The following RNF13 variants were observed in gnomAD, a reference collection of about 807,000 sequenced individuals.
RNF13 encodes ring finger protein 13, also known as E3 ubiquitin-protein ligase RNF13.
A neutral mutation model predicts 37.7 loss-of-function variants in RNF13; 19 were observed. The ratio of observed to expected loss-of-function variants is 0.50; its 90% CI spans 0.35 to 0.74. The LOEUF (loss-of-function observed/expected upper bound fraction) is 0.74, where lower values mean the gene tolerates loss of function less well. Among genes scored for constraint, RNF13 ranks in the 30% least tolerant of loss-of-function variants. The pLI is 0.01. For synonymous variants in RNF13, 144 were observed against 157.8 expected (o/e 0.91, Z 0.65); for missense variants, 375 against 453.0 (o/e 0.83, Z 1.56).
intron 4 of RNF13, among the ~76,000 whole-genome samples, chr3:149,892,044 G>A (rs1299209289): frequency 1.3e-5 from 2 of 151,924 alleles, no homozygotes; most frequent in Admixed American, 6.6e-5. Flanking sequence ...TTTAAAAATC[G>A]ATAAAAACAA....
At chr3:149,887,055 C>A (rs997913716) in intron 4 of RNF13, among the ~76,000 whole-genome samples, 1 of 152,022 alleles carries the variant, frequency 6.6e-6, no homozygotes, top group African/African-American at 2.4e-5. Context: ...TAAAGTTATC[C>A]AGGGACGTTG....
At chr3:149,914,131 T>C (rs1289607797) in intron 7 of RNF13, among the ~76,000 whole-genome samples, 1 of 152,194 alleles carries the variant, frequency 6.6e-6, no homozygotes, top group Non-Finnish European at 1.5e-5. Context: ...TTAAATTGTT[T>C]AACTTTGGCT....
chr3:149,824,561 A>G (rs868031167), intron 1 of RNF13, among the ~76,000 whole-genome samples: 1 of 152,244 alleles, frequency 6.6e-6, no homozygotes, highest in Non-Finnish European at 1.5e-5. Context: ...TATAATGTAA[A>G]ACATTTTCAT....
intron 1 of RNF13, among the ~76,000 whole-genome samples, chr3:149,843,822 C>CT (rs1228225354): frequency 1.3e-4 from 20 of 152,200 alleles, no homozygotes; most frequent in Admixed American, 3.3e-4. Flanking sequence ...CTTAACAGTT[C>CT]TTAAGTCTTC....
chr3:149,817,593 G>T (rs2108305687), intron 1 of RNF13, among the ~76,000 whole-genome samples: 2 of 152,252 alleles, frequency 1.3e-5, no homozygotes, highest in Middle Eastern at 3.4e-3. Flanking sequence ...TGCTTGTTAT[G>T]GGGGGCAACA....
intron 5 of RNF13, among the ~76,000 whole-genome samples, chr3:149,896,197 A>G (rs1293643318): frequency 6.6e-6 from 1 of 152,152 alleles, no homozygotes; most frequent in African/African-American, 2.4e-5. Flanking sequence ...AACCTTTCTA[A>G]TTGATACTAA....
chr3:149,957,291 A>C (rs1336241946), intron 8 of RNF13, among the ~76,000 whole-genome samples: 1 of 152,106 alleles, frequency 6.6e-6, no homozygotes, highest in African/African-American at 2.4e-5. Context: ...GAAAAACTGG[A>C]TTCTGCTTTC....
chr3:149,879,573 G>C (rs1713147646), intron 4 of RNF13, among the ~76,000 whole-genome samples: 1 of 152,074 alleles, frequency 6.6e-6, no homozygotes. Flanking sequence ...CTTCCAAAGT[G>C]CTGAGATTAC....
chr3:149,815,495 A>AT (rs1339457038), intron 1 of RNF13, among the ~76,000 whole-genome samples: 1 of 152,226 alleles, frequency 6.6e-6, no homozygotes, highest in Non-Finnish European at 1.5e-5. Context: ...TGTTTACCAT[A>AT]TGGCATTGCA....
intron 1 of RNF13, among the ~76,000 whole-genome samples, chr3:149,823,438 T>C (rs1360536557): frequency 6.6e-6 from 1 of 152,152 alleles, no homozygotes; most frequent in Non-Finnish European, 1.5e-5. Flanking sequence ...TATTTGGAAA[T>C]ATAAATAGGA....
At position 149,960,747 on chromosome 3, in the gene RNF13, C is replaced by T. The variant is rs6768054; in HGVS notation, c.789C>T (p.His263=). Residue 263 remains histidine, a synonymous_variant, in exon 10 of 10, where the codon CAC becomes CAT. Coordinates refer to ENST00000392894, the MANE Select transcript of RNF13 (RefSeq NM_183381.3). The stretch of plus-strand genomic sequence containing the variant: ...TATATTTTGCTTCAACAGCTTATCA[C>T]TGCAAGTGTGTAGACCCTTGGCTAA... ...LRILPCSHAY[H]CKCVDPWLTK... is the part of the protein sequence containing the mutation. 1,109,937 of 1,604,344 alleles carry T rather than the reference C, an allele frequency of 0.69. 387,689 individuals are homozygous for T. The highest frequency in any genetic ancestry group is 0.86 in the East Asian group (38,472 of 44,804).
intron 4 of RNF13, among the ~76,000 whole-genome samples, chr3:149,874,872 TG>T (rs1436555879): frequency 6.6e-5 from 10 of 152,166 alleles, no homozygotes; most frequent in Admixed American, 6.5e-4. Flanking sequence ...TGGTTACTGA[TG>T]GATAAGCTGT....
chr3:149,831,657 A>G (rs1291669755), intron 1 of RNF13, among the ~76,000 whole-genome samples: 1 of 152,186 alleles, frequency 6.6e-6, no homozygotes, highest in Non-Finnish European at 1.5e-5. Context: ...CTTTTGAGTT[A>G]ATGCTGAAAT....
intron 3 of RNF13, among the ~76,000 whole-genome samples, chr3:149,857,165 T>C (rs762791191): frequency 1.1e-4 from 16 of 152,218 alleles, no homozygotes; most frequent in Non-Finnish European, 1.6e-4. Context: ...TCAGAATCAT[T>C]TATAAGACTT....
intron 4 of RNF13, among the ~76,000 whole-genome samples, chr3:149,890,060 C>G (rs1010817379): frequency 6.6e-6 from 1 of 152,160 alleles, no homozygotes; most frequent in African/African-American, 2.4e-5. Flanking sequence ...ATGTTTAAAG[C>G]CAGTCTCTGC....
chr3:149,834,583 C>T (rs545273340), intron 1 of RNF13, among the ~76,000 whole-genome samples: 1 of 152,318 alleles, frequency 6.6e-6, no homozygotes, highest in East Asian at 1.9e-4. Context: ...GGGGGTAGAT[C>T]CCTCATGAAT....
In RNF13 at chr3:149,911,841, A is replaced by G. The variant is rs904156144; in HGVS notation, c.501-137A>G. On this transcript the variant is annotated intron_variant, in intron 6 of 9. Transcript: ENST00000392894. Reference sequence around the variant, plus strand: ...CTTAAATTATTGAAAGTCATATTTTAGAAAATGAAATGTATGTAGTGGATT... The same window carrying G: ...CTTAAATTATTGAAAGTCATATTTTGGAAAATGAAATGTATGTAGTGGATT... 4 of 603,474 alleles carry G rather than the reference A, an allele frequency of 6.6e-6. No homozygotes were observed. In the Admixed American group the frequency reaches 9.4e-5, roughly 14 times the overall value. 37.4% of individuals were successfully genotyped at this position (603,474 alleles called of 1,614,324 possible).
chr3:149,830,067 C>T (rs902332151), intron 1 of RNF13, among the ~76,000 whole-genome samples: 2 of 139,134 alleles, frequency 1.4e-5, no homozygotes, highest in Admixed American at 7.5e-5. Context: ...TCCATTAAAC[C>T]TCTTTTTCTT....
At chr3:149,859,327 C>CT (rs1723984741) in intron 3 of RNF13, among the ~76,000 whole-genome samples, 1 of 152,176 alleles carries the variant, frequency 6.6e-6, no homozygotes, top group Non-Finnish European at 1.5e-5. Flanking sequence ...AAAAAGAATA[C>CT]TTTTGAAGTG....
Sources: allele counts gnomAD v4.1 joint callset (sites outside exome capture counted in the v4.1 genomes callset), GRCh38; gene constraint gnomAD v4.1.1; transcripts MANE v1.5; gene names NCBI Gene and HGNC (gene_info 2026-07-23, HGNC 2026-07-21).